The following GABRG3 variants were observed in gnomAD, a reference collection of about 807,000 sequenced individuals.
GABRG3 encodes the protein gamma-aminobutyric acid receptor subunit gamma-3.
GABRG3 carries 25 observed loss-of-function variants against 48.8 expected under a neutral mutation model. That is an observed-to-expected ratio of 0.51 (90% CI 0.37 to 0.72). The LOEUF (loss-of-function observed/expected upper bound fraction) is 0.72. GABRG3 is among the 30% of genes least tolerant of loss of function. The probability of loss-of-function intolerance (pLI) is 0.00; values close to 1 mark genes in which losing one functional copy is unlikely to be tolerated. For synonymous variants in GABRG3, 227 were observed against 217.6 expected (o/e 1.04, Z -0.38); for missense variants, 394 against 577.9 (o/e 0.68, Z 3.26).
At chr15:27,387,953 A>G (rs1471300062) in intron 5 of GABRG3, among the ~76,000 whole-genome samples, 2 of 48,790 alleles carry the variant, frequency 4.1e-5, no homozygotes, top group African/African-American at 7.6e-5. Flanking sequence ...GGAAAGAGGG[A>G]GGGAGGGGAA....
At position 27,412,589 on chromosome 15, in the gene GABRG3, GA is replaced by G. The variant is rs1887829554; in HGVS notation, c.575-68060del. On this transcript the variant is annotated intron_variant, in intron 5 of 9. Transcript: ENST00000615808. ...ATCAGTGAACTAAGCTCATGGATTA[GA>G]GGTAGGTGGTAAAAATGGGAAGAGG... is the stretch of plus-strand genomic sequence containing the variant. Among the ~76,000 whole-genome samples, 3 of 152,316 alleles carry G rather than the reference GA, an allele frequency of 2.0e-5. No individual in the cohort carries two copies. In the South Asian group the frequency reaches 6.2e-4, roughly 32 times the overall value.
At chr15:27,380,774 T>A (rs1348050231) in intron 5 of GABRG3, among the ~76,000 whole-genome samples, 3 of 150,194 alleles carry the variant, frequency 2.0e-5, no homozygotes, top group Non-Finnish European at 4.4e-5. Context: ...TTTTTTTTTT[T>A]TTTTTTTGAG....
chr15:27,213,743 C>T (rs79757239), intron 3 of GABRG3, among the ~76,000 whole-genome samples: 2,892 of 152,292 alleles, frequency 0.019, 93 homozygotes, highest in African/African-American at 0.065. Flanking sequence ...AAAGCTCAGA[C>T]GGTGAGCACC....
intron 3 of GABRG3, among the ~76,000 whole-genome samples, chr15:27,307,092 A>T (rs1242742636): frequency 8.9e-6 from 1 of 112,986 alleles, no homozygotes; most frequent in Non-Finnish European, 1.6e-5. Context: ...ATATATAAAC[A>T]TATAATATAA....
intron 3 of GABRG3, among the ~76,000 whole-genome samples, chr15:27,070,279 T>C (rs1896806423): frequency 6.6e-6 from 1 of 152,242 alleles, no homozygotes; most frequent in Non-Finnish European, 1.5e-5. Flanking sequence ...TGCTTCCCAT[T>C]GGTAGGATGT....
At chr15:27,122,364 A>C (rs535581013) in intron 3 of GABRG3, among the ~76,000 whole-genome samples, 1 of 152,352 alleles carries the variant, frequency 6.6e-6, no homozygotes, top group Admixed American at 6.5e-5. Flanking sequence ...TTATCAGACC[A>C]ACCCTGTGAT....
At chr15:27,527,038 G>T (rs750326399) in intron 7 of GABRG3, among the ~76,000 whole-genome samples, 1 of 152,098 alleles carries the variant, frequency 6.6e-6, no homozygotes, top group Non-Finnish European at 1.5e-5. Context: ...GAATAGTGAG[G>T]GTTTTCAAAC....
intron 3 of GABRG3, among the ~76,000 whole-genome samples, chr15:27,045,697 A>G (rs1047674791): frequency 1.3e-5 from 2 of 152,186 alleles, no homozygotes; most frequent in African/African-American, 2.4e-5. Flanking sequence ...CTGAGTTTCA[A>G]TGTGCGCCAG....
intron 3 of GABRG3, among the ~76,000 whole-genome samples, chr15:27,043,528 G>A (rs1417656701): frequency 6.6e-6 from 1 of 152,148 alleles, no homozygotes; most frequent in Non-Finnish European, 1.5e-5. Flanking sequence ...ACCCAAAAAG[G>A]AGAGTAACTT....
intron 5 of GABRG3, among the ~76,000 whole-genome samples, chr15:27,368,163 G>A (rs1195842557): frequency 6.6e-6 from 1 of 152,198 alleles, no homozygotes; most frequent in East Asian, 1.9e-4. Context: ...CCACAGTGGA[G>A]AAAGGTCAGA....
At chr15:27,208,437 A>T in intron 3 of GABRG3, 1 of 202,070 alleles carries the variant, frequency 4.9e-6, no homozygotes. Flanking sequence ...TGCATGAAAG[A>T]CCTGCCCTCA....
At chr15:27,164,919 C>T (rs983605756) in intron 3 of GABRG3, among the ~76,000 whole-genome samples, 3 of 152,114 alleles carry the variant, frequency 2.0e-5, no homozygotes, top group Non-Finnish European at 4.4e-5. Flanking sequence ...TGATGTCTCT[C>T]GTATCAAGCG....
At chr15:27,042,878 G>A (rs1380801868) in intron 3 of GABRG3, among the ~76,000 whole-genome samples, 1 of 152,240 alleles carries the variant, frequency 6.6e-6, no homozygotes, top group Non-Finnish European at 1.5e-5. Context: ...TGGCCTGGAA[G>A]TGTGTGCAGA....
At chr15:27,283,040 A>G (rs1210787341) in intron 3 of GABRG3, among the ~76,000 whole-genome samples, 1 of 152,162 alleles carries the variant, frequency 6.6e-6, no homozygotes, top group African/African-American at 2.4e-5. Context: ...ATGACACTCC[A>G]CTGCAAGGGA....
chr15:27,097,511 T>G (rs556629914), intron 3 of GABRG3, among the ~76,000 whole-genome samples: 2 of 152,122 alleles, frequency 1.3e-5, no homozygotes, highest in East Asian at 3.9e-4. Context: ...CTCTTTCTCT[T>G]TTTCTTTCTT....
intron 3 of GABRG3, among the ~76,000 whole-genome samples, chr15:27,222,148 C>G (rs1240578082): frequency 1.3e-5 from 2 of 152,214 alleles, no homozygotes; most frequent in African/African-American, 2.4e-5. Context: ...CCAAATGGCT[C>G]TCTGCTTTGT....
At chr15:27,331,666 A>C (rs1406340969) in intron 5 of GABRG3, among the ~76,000 whole-genome samples, 2 of 152,198 alleles carry the variant, frequency 1.3e-5, no homozygotes, top group Admixed American at 6.5e-5. Flanking sequence ...AACCCATAGA[A>C]TGTACAACAC....
intron 3 of GABRG3, chr15:27,280,580 C>G (rs922843058): frequency 1.3e-5 from 2 of 152,188 alleles, no homozygotes; most frequent in Non-Finnish European, 2.9e-5. Context: ...TTGACTTCTA[C>G]TTTGACCCAT....
chr15:27,350,652 C>T (rs149532523), intron 5 of GABRG3, among the ~76,000 whole-genome samples: 15 of 152,182 alleles, frequency 9.9e-5, no homozygotes, highest in South Asian at 6.2e-4. Context: ...CCAGGGCCAG[C>T]GCTGGAGGAT....
Sources: gnomAD v4.1 joint callset for allele counts (sites outside exome capture counted in the v4.1 genomes callset) on GRCh38, gnomAD v4.1.1 for gene constraint, MANE v1.5 for transcripts, NCBI Gene and HGNC (gene_info 2026-07-23, HGNC 2026-07-21) for gene names.